The following SNX29 variants were observed in gnomAD, a reference collection of about 807,000 sequenced individuals.
The protein encoded by SNX29 is sorting nexin-29.
SNX29 carries 78 observed loss-of-function variants against 102.1 expected under a neutral mutation model. The ratio of observed to expected loss-of-function variants is 0.76; its 90% CI spans 0.64 to 0.92. The LOEUF is 0.92. Ranked by LOEUF, SNX29 falls within the 40% of genes least tolerant of loss-of-function variation. SNX29 has a pLI of 0.00. For synonymous variants in SNX29, 580 were observed against 414.5 expected (o/e 1.40, Z -4.85); for missense variants, 1,280 against 1,061.7 (o/e 1.21, Z -2.86).
chr16:12,130,778 G>A (rs1189198606), intron 13 of SNX29, among the ~76,000 whole-genome samples: 14 of 151,138 alleles, frequency 9.3e-5, no homozygotes, highest in Admixed American at 9.2e-4. Flanking sequence ...CCTGTCCTAT[G>A]CAGCATTCAC....
chr16:12,502,339 G>A (rs1391390887), intron 19 of SNX29, among the ~76,000 whole-genome samples: 2 of 152,178 alleles, frequency 1.3e-5, no homozygotes, highest in Non-Finnish European at 2.9e-5. Context: ...TCAAGACGGT[G>A]GCATCTCCCT....
intron 3 of SNX29, among the ~76,000 whole-genome samples, chr16:12,009,852 G>C (rs1294303820): frequency 6.6e-6 from 1 of 152,250 alleles, no homozygotes; most frequent in Non-Finnish European, 1.5e-5. Flanking sequence ...GGCCCTAGAA[G>C]TTACCTCAAA....
At chr16:12,294,790 A>C (rs1224439765) in intron 15 of SNX29, among the ~76,000 whole-genome samples, 1 of 152,152 alleles carries the variant, frequency 6.6e-6, no homozygotes, top group East Asian at 1.9e-4. Flanking sequence ...CTTTGTGTTC[A>C]GGCCTAACAC....
At position 12,520,897 on chromosome 16, in the gene SNX29, C is replaced by A. The variant is rs116612875; in HGVS notation, c.2179-3805C>A. On this transcript the variant is annotated intron_variant, in intron 19 of 20. Transcript: ENST00000566228. ...GGGGGCACTAGAGTTTCAGAATTCA[C>A]CACTAAAGAACTCGTTCAAGGCCGG... is the stretch of plus-strand genomic sequence containing the variant. 9.6e-3 allele frequency among the ~76,000 whole-genome samples: 1,465 copies of A among 152,264 alleles called. 13 individuals carry two copies. Among genetic ancestry groups the A allele is most frequent in the African/African-American group, 0.034 (1,400 of 41,546 alleles).
intron 15 of SNX29, among the ~76,000 whole-genome samples, chr16:12,348,521 C>T (rs1022684765): frequency 3.3e-5 from 5 of 151,956 alleles, no homozygotes; most frequent in Admixed American, 6.5e-5. Context: ...GCGTTGACAG[C>T]GCCTTTCCCC....
chr16:12,089,602 G>T (rs762411326), intron 11 of SNX29, among the ~76,000 whole-genome samples: 1 of 152,204 alleles, frequency 6.6e-6, no homozygotes, highest in African/African-American at 2.4e-5. Flanking sequence ...CAGGATGGGG[G>T]GTTTGGCCTG....
At chr16:12,074,724 T>TGGG (rs1298454485) in intron 10 of SNX29, among the ~76,000 whole-genome samples, 1 of 152,236 alleles carries the variant, frequency 6.6e-6, no homozygotes, top group Non-Finnish European at 1.5e-5. Flanking sequence ...CTTGCTAGAT[T>TGGG]GGGGACGTTC....
At chr16:12,550,069 C>CT (rs1439163351) in intron 20 of SNX29, among the ~76,000 whole-genome samples, 1 of 152,186 alleles carries the variant, frequency 6.6e-6, no homozygotes, top group Non-Finnish European at 1.5e-5. Flanking sequence ...TAGTCTCACC[C>CT]TTTATAGGAA....
At chr16:12,484,853 G>A (rs759453069) in intron 19 of SNX29, among the ~76,000 whole-genome samples, 18 of 152,114 alleles carry the variant, frequency 1.2e-4, no homozygotes, top group African/African-American at 1.7e-4. Flanking sequence ...TGATTGAAAT[G>A]ACTTATTTGT....
At chr16:12,268,926 T>C (rs2079012894) in intron 14 of SNX29, among the ~76,000 whole-genome samples, 1 of 152,164 alleles carries the variant, frequency 6.6e-6, no homozygotes, top group South Asian at 2.1e-4. Flanking sequence ...TTTAGACGAC[T>C]TAACACAGAT....
At chr16:12,251,002 G>GC in intron 14 of SNX29, among the ~76,000 whole-genome samples, 1 of 152,346 alleles carries the variant, frequency 6.6e-6, no homozygotes, top group South Asian at 2.1e-4. Context: ...CTCCACGATG[G>GC]CCCCCTTCTT....
chr16:12,551,228 C>G (rs943040675), intron 20 of SNX29, among the ~76,000 whole-genome samples: 1 of 123,280 alleles, frequency 8.1e-6, no homozygotes, highest in Non-Finnish European at 1.6e-5. Flanking sequence ...GATTTGCCAT[C>G]TTCTGAGGAC....
chr16:12,180,193 CAAAA>C (rs1281612577), intron 13 of SNX29, among the ~76,000 whole-genome samples: 1 of 151,916 alleles, frequency 6.6e-6, no homozygotes, highest in Non-Finnish European at 1.5e-5. Flanking sequence ...AAAAAACAAA[CAAAA>C]AACAAACTTG....
chr16:12,279,746 C>A (rs16959113), intron 15 of SNX29, among the ~76,000 whole-genome samples: 2,646 of 152,282 alleles, frequency 0.017, 96 homozygotes, highest in African/African-American at 0.061. Flanking sequence ...GTAGGTGCTG[C>A]GTAACCCTTG....
intron 11 of SNX29, among the ~76,000 whole-genome samples, chr16:12,097,803 C>T (rs919897086): frequency 2.6e-5 from 4 of 152,156 alleles, no homozygotes; most frequent in South Asian, 2.1e-4. Context: ...GGATGAGACG[C>T]GGTCAGACTT....
chr16:12,013,929 G>T (rs931383026), intron 3 of SNX29, among the ~76,000 whole-genome samples: 2 of 152,002 alleles, frequency 1.3e-5, no homozygotes, highest in East Asian at 1.9e-4. Flanking sequence ...AGGATTACAG[G>T]CATAAGCCAC....
At chr16:12,391,230 G>A (rs1230656409) in intron 16 of SNX29, among the ~76,000 whole-genome samples, 4 of 152,068 alleles carry the variant, frequency 2.6e-5, no homozygotes, top group African/African-American at 9.7e-5. Flanking sequence ...ACAAGCATGA[G>A]CCACCATGCC....
At chr16:12,290,400 T>TGG (rs1470199089) in intron 15 of SNX29, among the ~76,000 whole-genome samples, 1 of 152,166 alleles carries the variant, frequency 6.6e-6, no homozygotes, top group East Asian at 1.9e-4. Context: ...GATCTCATCC[T>TGG]GGAAGCCTTC....
chr16:12,004,580 G>C (rs894628767), intron 3 of SNX29, among the ~76,000 whole-genome samples: 4 of 152,060 alleles, frequency 2.6e-5, no homozygotes, highest in Non-Finnish European at 5.9e-5. Context: ...GGAAAGGGAA[G>C]GGAACTTGCT....
Sources: allele counts gnomAD v4.1 joint callset (sites outside exome capture counted in the v4.1 genomes callset), GRCh38; gene constraint gnomAD v4.1.1; transcripts MANE v1.5; gene names NCBI Gene and HGNC (gene_info 2026-07-23, HGNC 2026-07-21).